The following ZNF804B variants were observed in gnomAD, a reference collection of about 807,000 sequenced individuals.
ZNF804B encodes the protein zinc finger 804B.
Under a neutral mutation model 101.4 loss-of-function variants are expected in ZNF804B, and 80 were observed. The ratio of observed to expected loss-of-function variants is 0.79; its 90% CI spans 0.66 to 0.95. The LOEUF (loss-of-function observed/expected upper bound fraction) is 0.95, where lower values mean the gene tolerates loss of function less well. Among genes scored for constraint, ZNF804B ranks in the 40% least tolerant of loss-of-function variants. The pLI is 0.00. For missense variants in ZNF804B, 1,673 were observed against 1,561.9 expected (o/e 1.07, Z -1.20); for synonymous variants, 622 against 558.8 (o/e 1.11, Z -1.59).
At chr7:88,877,818 C>G (rs1446772598) in intron 1 of ZNF804B, among the ~76,000 whole-genome samples, 1 of 151,920 alleles carries the variant, frequency 6.6e-6, no homozygotes, top group African/African-American at 2.4e-5. Context: ...AGAACCAGAG[C>G]CAATATTTCT....
At chr7:88,854,356 C>G (rs1315966083) in intron 1 of ZNF804B, among the ~76,000 whole-genome samples, 1 of 151,142 alleles carries the variant, frequency 6.6e-6, no homozygotes, top group Admixed American at 6.6e-5. Context: ...AGGCTGTGCT[C>G]TTAAGTACTG....
At chr7:89,239,185 G>C (rs1789327948) in intron 2 of ZNF804B, among the ~76,000 whole-genome samples, 1 of 152,138 alleles carries the variant, frequency 6.6e-6, no homozygotes, top group African/African-American at 2.4e-5. Flanking sequence ...GGCATGATAA[G>C]GGACTGGTTT....
At chr7:88,852,766 A>G (rs757960086) in intron 1 of ZNF804B, among the ~76,000 whole-genome samples, 4 of 152,144 alleles carry the variant, frequency 2.6e-5, no homozygotes, top group Non-Finnish European at 5.9e-5. Flanking sequence ...AACCTGAAGC[A>G]CTGAAGTAAC....
chr7:88,957,959 AT>A (rs1793335903), intron 1 of ZNF804B, among the ~76,000 whole-genome samples: 1 of 151,086 alleles, frequency 6.6e-6, no homozygotes, highest in South Asian at 2.1e-4. Context: ...GTACTATTAT[AT>A]CTGTAGTTAC....
chr7:89,112,832 C>T (rs1790241814), intron 1 of ZNF804B, among the ~76,000 whole-genome samples: 2 of 152,128 alleles, frequency 1.3e-5, no homozygotes, highest in Non-Finnish European at 2.9e-5. Flanking sequence ...TCTTGACCCT[C>T]AGTTGGGTAT....
chr7:88,958,792 C>T (rs1273611628), intron 1 of ZNF804B, among the ~76,000 whole-genome samples: 2 of 151,344 alleles, frequency 1.3e-5, no homozygotes, highest in South Asian at 2.1e-4. Context: ...TTCACTTGCT[C>T]AAGACAAATA....
chr7:88,846,726 G>A (rs1791378232), intron 1 of ZNF804B, among the ~76,000 whole-genome samples: 1 of 152,036 alleles, frequency 6.6e-6, no homozygotes, highest in Non-Finnish European at 1.5e-5. Flanking sequence ...GTCTATATGT[G>A]AGACTACCAT....
intron 2 of ZNF804B, among the ~76,000 whole-genome samples, chr7:89,274,729 C>G (rs1407678864): frequency 6.6e-6 from 1 of 151,792 alleles, no homozygotes; most frequent in Non-Finnish European, 1.5e-5. Context: ...CATCTAGAGT[C>G]TTATATCAAC....
At chr7:89,169,928 A>G (rs979783870) in intron 1 of ZNF804B, among the ~76,000 whole-genome samples, 5 of 152,194 alleles carry the variant, frequency 3.3e-5, no homozygotes, top group Non-Finnish European at 5.9e-5. Flanking sequence ...ATAAGAAGCT[A>G]TTGGTAAGCC....
intron 1 of ZNF804B, among the ~76,000 whole-genome samples, chr7:89,156,710 G>A (rs928098418): frequency 1.3e-5 from 2 of 151,754 alleles, no homozygotes; most frequent in African/African-American, 2.4e-5. Flanking sequence ...CTAATTAAAT[G>A]GTTGCTTTTG....
At chr7:89,209,110 A>G (rs1584055748) in intron 1 of ZNF804B, among the ~76,000 whole-genome samples, 1 of 152,332 alleles carries the variant, frequency 6.6e-6, no homozygotes, top group South Asian at 2.1e-4. Context: ...AACTTTAAAT[A>G]TTTAATTGTT....
At chr7:89,196,152 C>A (rs1788548827) in intron 1 of ZNF804B, among the ~76,000 whole-genome samples, 1 of 152,136 alleles carries the variant, frequency 6.6e-6, no homozygotes, top group African/African-American at 2.4e-5. Flanking sequence ...TGACTTCAAA[C>A]TATACTTCAA....
At chr7:89,059,550 T>G (rs893073373) in intron 1 of ZNF804B, among the ~76,000 whole-genome samples, 2 of 152,016 alleles carry the variant, frequency 1.3e-5, no homozygotes, top group African/African-American at 4.8e-5. Flanking sequence ...TCATGAGGGA[T>G]TCACCATGAT....
At chr7:88,800,770 A>G (rs1198359860) in intron 1 of ZNF804B, among the ~76,000 whole-genome samples, 1 of 151,596 alleles carries the variant, frequency 6.6e-6, no homozygotes, top group Admixed American at 6.6e-5. Flanking sequence ...TATGTTAAAG[A>G]TAGGAAGTGT....
chr7:89,225,602 T>C (rs564625023), intron 2 of ZNF804B, among the ~76,000 whole-genome samples: 2 of 152,270 alleles, frequency 1.3e-5, no homozygotes, highest in African/African-American at 2.4e-5. Flanking sequence ...TGTCAATACA[T>C]TGACCTATCA....
intron 1 of ZNF804B, among the ~76,000 whole-genome samples, chr7:89,173,501 T>C (rs1288203274): frequency 6.6e-6 from 1 of 152,108 alleles, no homozygotes; most frequent in Non-Finnish European, 1.5e-5. Context: ...TGCAGTTTTG[T>C]TCAATTTAGT....
intron 1 of ZNF804B, among the ~76,000 whole-genome samples, chr7:88,879,059 G>A (rs773612949): frequency 3.3e-5 from 5 of 152,252 alleles, no homozygotes; most frequent in South Asian, 4.1e-4. Flanking sequence ...AGATTCCCGC[G>A]ATACTCAGAA....
chr7:89,111,608 G>C (rs1790219806), intron 1 of ZNF804B, among the ~76,000 whole-genome samples: 1 of 152,164 alleles, frequency 6.6e-6, no homozygotes. Flanking sequence ...GTATGGCTTA[G>C]ATAAAAGTCT....
chr7:89,178,904 C>T (rs974701861), intron 1 of ZNF804B, among the ~76,000 whole-genome samples: 3 of 152,104 alleles, frequency 2.0e-5, no homozygotes, highest in African/African-American at 4.8e-5. Context: ...GTCTTTATCT[C>T]TCCTTCATGT....
Sources: allele counts gnomAD v4.1 joint callset (sites outside exome capture counted in the v4.1 genomes callset), GRCh38; gene constraint gnomAD v4.1.1; transcripts MANE v1.5; gene names NCBI Gene and HGNC (gene_info 2026-07-23, HGNC 2026-07-21).